The following ADGRV1 variants were observed in gnomAD, a reference collection of about 807,000 sequenced individuals.
ADGRV1 encodes G-protein coupled receptor 98.
A neutral mutation model predicts 596.2 loss-of-function variants in ADGRV1; 359 were observed. The observed-to-expected ratio is 0.60, with a 90% CI of 0.55 to 0.66. The LOEUF (loss-of-function observed/expected upper bound fraction) is 0.66, where lower values mean the gene tolerates loss of function less well. ADGRV1 is among the 30% of genes least tolerant of loss of function. The pLI is 0.00. For missense variants in ADGRV1, 7,274 were observed against 7,575.6 expected (o/e 0.96, Z 1.48); for synonymous variants, 2,681 against 2,679.2 (o/e 1.00, Z -0.02).
At chr5:90,700,745 T>C (rs1015724057) in intron 34 of ADGRV1, among the ~76,000 whole-genome samples, 6 of 152,198 alleles carry the variant, frequency 3.9e-5, no homozygotes, top group African/African-American at 1.2e-4. Flanking sequence ...CACTCAACTT[T>C]TTCTTAACTG....
At chr5:90,786,551 G>T (rs942103412) in intron 67 of ADGRV1, among the ~76,000 whole-genome samples, 3 of 152,136 alleles carry the variant, frequency 2.0e-5, no homozygotes, top group African/African-American at 7.2e-5. Context: ...CAGCATAGGA[G>T]CAGGAAGGAT....
rs1878878 is a variant in ADGRV1 at position 90,694,507 on chromosome 5, A to G, written c.7751A>G (p.Asn2584Ser). 1,080,234 of 1,613,680 alleles carry G rather than the reference A, an allele frequency of 0.67. 366,238 individuals carry two copies. Among genetic ancestry groups the G allele is most frequent in the African/African-American group, 0.91 (68,504 of 74,990 alleles). ...GCCTTTGGAGTGTTTGTGATCTACAATATTAGTCCCAATACTTCCGAAGAT... is the reference window on the plus strand; with the variant it reads ...GCCTTTGGAGTGTTTGTGATCTACAGTATTAGTCCCAATACTTCCGAAGAT... The part of the protein sequence containing the change: ...GDAFGVFVIY[N>S]ISPNTSEDGL... The change falls in exon 33 of 90, where the codon AAT (asparagine) becomes AGT (serine). Residue 2584 changes from asparagine to serine, a missense_variant. Asn to Ser is a conservative substitution (Grantham distance 46, BLOSUM62 1). Around this residue, in one of 5 missense-constraint regions of ADGRV1, gnomAD observed 3,643 missense variants for 3,809.2 expected, o/e 0.96. Transcript: ENST00000405460.
At chr5:90,620,254 C>T (rs915687313) in intron 4 of ADGRV1, among the ~76,000 whole-genome samples, 2 of 152,076 alleles carry the variant, frequency 1.3e-5, no homozygotes, top group African/African-American at 4.8e-5. Flanking sequence ...ACATCCTCTC[C>T]AGCACCTGTT....
At chr5:91,045,758 G>T (rs974344581) in intron 85 of ADGRV1, among the ~76,000 whole-genome samples, 7 of 152,066 alleles carry the variant, frequency 4.6e-5, no homozygotes, top group African/African-American at 1.7e-4. Context: ...TTATATGATT[G>T]TTTACCTAGA....
At chr5:90,839,538 A>G (rs980269869) in intron 77 of ADGRV1, among the ~76,000 whole-genome samples, 7 of 152,090 alleles carry the variant, frequency 4.6e-5, no homozygotes, top group African/African-American at 7.2e-5. Flanking sequence ...AGCAGCATCC[A>G]GCACTCTCCT....
chr5:90,719,985 C>T lies in ADGRV1; in HGVS notation c.9448-63C>T, dbSNP rs560390396. 3.5e-4 allele frequency: 447 copies of T among 1,264,444 alleles called. No homozygotes were observed. The Middle Eastern group carries it at 7.3e-3, about 21-fold the overall frequency. 78.3% of individuals were successfully genotyped at this position (1,264,444 alleles called of 1,614,324 possible). ...GTTGTCAGAAATGTTCAGTAGATTTCGCTATATATGTGTTACAAAAATACT... is the reference window on the plus strand; with the variant it reads ...GTTGTCAGAAATGTTCAGTAGATTTTGCTATATATGTGTTACAAAAATACT... On this transcript the variant is annotated intron_variant, in intron 43 of 89. Coordinates refer to ENST00000405460, the MANE Select transcript of ADGRV1 (RefSeq NM_032119.4).
At chr5:90,775,331 C>T (rs534662854) in intron 60 of ADGRV1, among the ~76,000 whole-genome samples, 2 of 152,116 alleles carry the variant, frequency 1.3e-5, no homozygotes, top group South Asian at 2.1e-4. Flanking sequence ...CATCACTGCA[C>T]CATATTCTTT....
chr5:90,625,288 G>T (rs1764597112), intron 6 of ADGRV1, 45 bp downstream of exon 6: 1 of 1,182,720 alleles, frequency 8.5e-7, no homozygotes, highest in Non-Finnish European at 1.3e-6. Flanking sequence ...ATTCTGTGTT[G>T]CAGGACACAG....
chr5:91,077,435 C>A (rs1266907163), intron 86 of ADGRV1, among the ~76,000 whole-genome samples: 2 of 152,236 alleles, frequency 1.3e-5, no homozygotes, highest in African/African-American at 4.8e-5. Flanking sequence ...CCATCCCTTA[C>A]ACCGTGTATT....
At chr5:90,561,714 A>G (rs1259961334) in intron 1 of ADGRV1, among the ~76,000 whole-genome samples, 1 of 152,236 alleles carries the variant, frequency 6.6e-6, no homozygotes, top group Non-Finnish European at 1.5e-5. Flanking sequence ...TGGAAGCACA[A>G]TGCCATCACC....
At chr5:91,119,697 C>T in intron 87 of ADGRV1, among the ~76,000 whole-genome samples, 1 of 152,294 alleles carries the variant, frequency 6.6e-6, no homozygotes, top group African/African-American at 2.4e-5. Flanking sequence ...AACTTTAGGG[C>T]AAACATTAAG....
intron 85 of ADGRV1, among the ~76,000 whole-genome samples, chr5:91,068,646 A>G (rs1371767972): frequency 1.3e-5 from 2 of 152,128 alleles, no homozygotes; most frequent in East Asian, 1.9e-4. Flanking sequence ...TGACACAAAC[A>G]ATTGGAAAAG....
intron 83 of ADGRV1, among the ~76,000 whole-genome samples, chr5:90,960,721 G>C (rs1015801551): frequency 1.3e-5 from 2 of 151,934 alleles, no homozygotes; most frequent in Non-Finnish European, 2.9e-5. Context: ...CGTTTTGAAA[G>C]GTAAACATGA....
At chr5:90,868,673 A>G (rs192151312) in intron 83 of ADGRV1, among the ~76,000 whole-genome samples, 1 of 150,294 alleles carries the variant, frequency 6.7e-6, no homozygotes, top group Admixed American at 6.6e-5. Context: ...TGTACAATTA[A>G]CTGTATTTAA....
intron 1 of ADGRV1, among the ~76,000 whole-genome samples, chr5:90,580,991 T>C (rs995094193): frequency 1.3e-5 from 2 of 152,238 alleles, no homozygotes; most frequent in East Asian, 3.8e-4. Context: ...TCCCACTTTA[T>C]TTCATTAATT....
At chr5:90,909,631 AAGAG>A (rs939179790) in intron 83 of ADGRV1, among the ~76,000 whole-genome samples, 6 of 114,304 alleles carry the variant, frequency 5.2e-5, no homozygotes, top group South Asian at 2.5e-4. Flanking sequence ...AAAGAAAAAA[AAGAG>A]AGAGAGAGAC....
chr5:90,866,485 A>G (rs951071103), intron 83 of ADGRV1, among the ~76,000 whole-genome samples: 22 of 152,088 alleles, frequency 1.4e-4, no homozygotes, highest in African/African-American at 5.3e-4. Context: ...GTGGCAGTAG[A>G]AGATTTATTT....
intron 83 of ADGRV1, among the ~76,000 whole-genome samples, chr5:90,872,210 T>C (rs1768756009): frequency 2.6e-5 from 4 of 152,228 alleles, no homozygotes; most frequent in African/African-American, 2.4e-5. Context: ...CTATAGGTAA[T>C]GTAGACCATG....
Position 90,840,946 on chromosome 5 carries a change from AGAT to A in ADGRV1, c.16983_16985del (p.Asp5661del). On this transcript the variant is annotated inframe_deletion, in exon 78 of 90. Coordinates refer to ENST00000405460, the MANE Select transcript of ADGRV1 (RefSeq NM_032119.4). ...GCATGAAAGTGGCCACAGAAAACAC[AGAT>A]GAACAACTCAGTGCCATGATGCATT... 2.0e-6 allele frequency: 3 copies of A among 1,494,888 alleles called. No homozygotes were observed. The highest frequency in any genetic ancestry group is 2.7e-6 in the Non-Finnish European group (3 of 1,119,568). The allele number at this position is 1,494,888 out of a possible 1,614,324, so 92.6% of individuals were successfully genotyped here. A position where few individuals can be genotyped will look rare whatever the true frequency, so the allele number is the denominator to read the frequency against.
Sources: allele counts gnomAD v4.1 joint callset (sites outside exome capture counted in the v4.1 genomes callset), GRCh38; gene constraint gnomAD v4.1.1; regional missense constraint gnomAD v4.1.1; transcripts MANE v1.5; gene names NCBI Gene and HGNC (gene_info 2026-07-23, HGNC 2026-07-21).